EXT2: variants seen among roughly 807,000 people sequenced by gnomAD.
EXT2 encodes the protein exostosin glycosyltransferase 2.
Under a neutral mutation model 81.6 loss-of-function variants are expected in EXT2, and 53 were observed. That is an observed-to-expected ratio of 0.65 (90% CI 0.52 to 0.82). EXT2 has a LOEUF of 0.82. Among genes scored for constraint, EXT2 ranks in the 40% least tolerant of loss-of-function variants. The pLI, the probability that EXT2 is intolerant of heterozygous loss-of-function variation, is 0.00. For missense variants in EXT2, 774 were observed against 910.2 expected (o/e 0.85, Z 1.93); for synonymous variants, 320 against 340.0 (o/e 0.94, Z 0.65).
intron 10 of EXT2, among the ~76,000 whole-genome samples, chr11:44,211,979 G>C (rs1955653361): frequency 6.6e-6 from 1 of 152,098 alleles, no homozygotes; most frequent in Admixed American, 6.5e-5. Context: ...ATTACTGCTT[G>C]AAACATTTTT....
intron 8 of EXT2, among the ~76,000 whole-genome samples, chr11:44,187,408 T>C (rs1347321246): frequency 6.6e-6 from 1 of 151,868 alleles, no homozygotes; most frequent in Non-Finnish European, 1.5e-5. Context: ...ACTCCTGGCC[T>C]CCAGCTCTTG....
intron 7 of EXT2, among the ~76,000 whole-genome samples, chr11:44,152,129 C>T (rs1379606354): frequency 2.6e-5 from 4 of 152,066 alleles, no homozygotes; most frequent in Non-Finnish European, 5.9e-5. Context: ...CCTTATTAGT[C>T]GTGTCCTTTG....
In EXT2 at chr11:44,245,628, C is replaced by T. The variant is rs1956087127; in HGVS notation, c.*1341C>T. On this transcript the variant is annotated 3_prime_UTR_variant, in exon 14 of 14. Coordinates refer to ENST00000533608, the MANE Select transcript of EXT2 (RefSeq NM_207122.2). ...TAGAATATGGATATAATTACAGAAA[C>T]CTAGTTGTTTTGCCAGTCAGCGTCA... is the stretch of plus-strand genomic sequence containing the variant. 6.6e-6 allele frequency among the ~76,000 whole-genome samples: 1 copy of T among 152,098 alleles called. No individual in the cohort carries two copies. Among genetic ancestry groups the T allele is most frequent in the African/African-American group, 2.4e-5 (1 of 41,404 alleles).
At chr11:44,131,356 C>A (rs1954490016) in intron 7 of EXT2, among the ~76,000 whole-genome samples, 1 of 152,210 alleles carries the variant, frequency 6.6e-6, no homozygotes. Context: ...AACTTCTTAT[C>A]GACACAGATT....
chr11:44,163,309 T>G (rs1954951782), intron 7 of EXT2, among the ~76,000 whole-genome samples: 1 of 152,200 alleles, frequency 6.6e-6, no homozygotes. Context: ...GTAAGGATGC[T>G]TGGGTTATAA....
chr11:44,121,772 C>T lies in EXT2; in HGVS notation c.744-3017C>T, dbSNP rs190467195. ...GCACCCTTCTCAGCCTGCCCAGGCTCTAACACTCTCTTCTGAGCTGCCCAG... is the reference window on the plus strand; with the variant it reads ...GCACCCTTCTCAGCCTGCCCAGGCTTTAACACTCTCTTCTGAGCTGCCCAG... On this transcript the variant is annotated intron_variant, in intron 4 of 13. Transcript: ENST00000533608. Among the ~76,000 whole-genome samples, 5 of 152,236 alleles carry T rather than the reference C, an allele frequency of 3.3e-5. No individual in the cohort carries two copies. The East Asian group carries it at 7.7e-4, about 24-fold the overall frequency.
At position 44,114,212 on chromosome 11, in the gene EXT2, T is replaced by C. The variant is rs1954187869; in HGVS notation, c.654T>C (p.Ser218=). 1 of 1,614,168 alleles carries C rather than the reference T, an allele frequency of 6.2e-7. No homozygotes were observed. The highest frequency in any genetic ancestry group is 8.5e-7 in the Non-Finnish European group (1 of 1,180,002). Residue 218 remains serine, a synonymous_variant, in exon 4 of 14, where the codon TCT becomes TCC. Coordinates refer to ENST00000533608, the MANE Select transcript of EXT2 (RefSeq NM_207122.2). ...CCCTGTTGGCTGGTGGCGGCTTTTCTACGTGGACTTACCGGCAAGGCTACG... is the reference window on the plus strand; with the variant it reads ...CCCTGTTGGCTGGTGGCGGCTTTTCCACGTGGACTTACCGGCAAGGCTACG... The part of the protein sequence containing the change: ...DRALLAGGGF[S]TWTYRQGYDV...
At position 44,242,117 on chromosome 11, in the gene EXT2, C is replaced by A. The variant is rs1956044528; in HGVS notation, c.2019-2032C>A. Reference sequence around the variant, plus strand: ...TCTACAGGGCCTTGGAACCGCTATCCTCTGCCAAGAACCAGGATTCTTCTT... The same window carrying A: ...TCTACAGGGCCTTGGAACCGCTATCATCTGCCAAGAACCAGGATTCTTCTT... On this transcript the variant is annotated intron_variant, in intron 13 of 13. Coordinates refer to ENST00000533608, the MANE Select transcript of EXT2 (RefSeq NM_207122.2). Among the ~76,000 whole-genome samples the A allele has an allele frequency of 2.0e-5, 3 of 152,210 alleles. 1 individual carries two copies. In the South Asian group the frequency reaches 6.2e-4, roughly 32 times the overall value.
intron 7 of EXT2, among the ~76,000 whole-genome samples, chr11:44,156,937 T>C (rs376554257): frequency 9.9e-5 from 15 of 152,206 alleles, no homozygotes; most frequent in Non-Finnish European, 1.9e-4. Flanking sequence ...CCGTTCTGCA[T>C]TGGGGGCAGC....
intron 4 of EXT2, among the ~76,000 whole-genome samples, chr11:44,123,140 C>T (rs1954343236): frequency 1.3e-5 from 2 of 152,290 alleles, no homozygotes; most frequent in South Asian, 4.1e-4. Flanking sequence ...TCACTCATTG[C>T]TTTATGTGAT....
In EXT2 at chr11:44,112,529, A is replaced by G. The variant is rs559480104; in HGVS notation, c.627-1656A>G. Among the ~76,000 whole-genome samples the G allele has an allele frequency of 1.5e-4, 23 of 152,340 alleles. No individual in the cohort carries two copies. In the Middle Eastern group the frequency reaches 0.01, roughly 68 times the overall value. ...GTTCTGTAAAGCAAGGGATGCTTAC[A>G]ATATTTTCTCCATTATAATGTAATG... On this transcript the variant is annotated intron_variant, in intron 3 of 13. Coordinates refer to ENST00000533608, the MANE Select transcript of EXT2 (RefSeq NM_207122.2).
intron 7 of EXT2, among the ~76,000 whole-genome samples, chr11:44,168,813 A>G (rs112459286): frequency 0.038 from 5,792 of 152,360 alleles, 148 homozygotes; most frequent in Non-Finnish European, 0.058. Context: ...CGAATTCTAC[A>G]GTGAAATAAA....
At chr11:44,207,843 A>G (rs1184203703) in intron 10 of EXT2, among the ~76,000 whole-genome samples, 1 of 152,178 alleles carries the variant, frequency 6.6e-6, no homozygotes, top group Non-Finnish European at 1.5e-5. Flanking sequence ...TTTTAAGGAC[A>G]AGGAAAAGGA....
At chr11:44,099,115 C>T (rs1419705577) in intron 1 of EXT2, among the ~76,000 whole-genome samples, 1 of 152,204 alleles carries the variant, frequency 6.6e-6, no homozygotes, top group Non-Finnish European at 1.5e-5. Flanking sequence ...AACCCTCCCA[C>T]CTCAGCCTCC....
intron 1 of EXT2, among the ~76,000 whole-genome samples, chr11:44,101,875 G>T (rs762528907): frequency 3.3e-5 from 5 of 150,444 alleles, no homozygotes; most frequent in African/African-American, 4.9e-5. Context: ...GACCCACTCT[G>T]ATGCGAATAG....
intron 6 of EXT2, among the ~76,000 whole-genome samples, chr11:44,128,485 A>T (rs909488452): frequency 1.3e-5 from 2 of 152,190 alleles, no homozygotes; most frequent in African/African-American, 4.8e-5. Context: ...TCAAGGCCAA[A>T]CCTTTTCTCA....
chr11:44,225,160 T>G (rs147770752), intron 10 of EXT2, among the ~76,000 whole-genome samples: 8 of 152,256 alleles, frequency 5.3e-5, no homozygotes, highest in Middle Eastern at 3.4e-3. Context: ...TCCCATCCCC[T>G]CAAACTCTCA....
chr11:44,110,224 C>A (rs914030594), intron 3 of EXT2, among the ~76,000 whole-genome samples: 1 of 152,140 alleles, frequency 6.6e-6, no homozygotes, highest in Non-Finnish European at 1.5e-5. Context: ...TTATGAAAAT[C>A]GACACTTAGT....
chr11:44,247,243 CTTT>C lies in EXT2; in HGVS notation c.*2974_*2976del, dbSNP rs11421737. 1.7e-5 allele frequency among the ~76,000 whole-genome samples: 2 copies of C among 115,178 alleles called. No homozygotes were observed. The allele number at this position is 115,178 out of a possible 152,430, so 75.6% of individuals were successfully genotyped here. On this transcript the variant is annotated 3_prime_UTR_variant, in exon 14 of 14. Coordinates refer to ENST00000533608, the MANE Select transcript of EXT2 (RefSeq NM_207122.2). ...CCTGCCAGTGATGCTCTGCTGTATCCTTTTTTTTTTTTTTTTTTTTGAGACAGA... is the reference window on the plus strand; with the variant it reads ...CCTGCCAGTGATGCTCTGCTGTATCCTTTTTTTTTTTTTTTTTGAGACAGA...
Sources: allele counts gnomAD v4.1 joint callset (sites outside exome capture counted in the v4.1 genomes callset), GRCh38; gene constraint gnomAD v4.1.1; transcripts MANE v1.5; gene names NCBI Gene and HGNC (gene_info 2026-07-23, HGNC 2026-07-21).